The following MYO16 variants were observed in gnomAD, a reference collection of about 807,000 sequenced individuals.
MYO16 encodes myosin XVI, also known as unconventional myosin-XVI.
Under a neutral mutation model 205.3 loss-of-function variants are expected in MYO16, and 94 were observed. That is an observed-to-expected ratio of 0.46 (90% CI 0.39 to 0.54). MYO16 has a LOEUF of 0.54. MYO16 is among the 20% of genes least tolerant of loss of function. The pLI, the probability that MYO16 is intolerant of heterozygous loss-of-function variation, is 0.00. For synonymous variants in MYO16, 988 were observed against 954.0 expected (o/e 1.04, Z -0.66); for missense variants, 2,315 against 2,387.5 (o/e 0.97, Z 0.63).
chr13:108,650,235 T>C (rs918489145), intron 1 of MYO16, among the ~76,000 whole-genome samples: 2 of 152,200 alleles, frequency 1.3e-5, no homozygotes, highest in South Asian at 4.1e-4. Context: ...ACATACATAC[T>C]TTTAAATTAA....
At chr13:109,152,177 G>A (rs991023636) in intron 32 of MYO16, among the ~76,000 whole-genome samples, 7 of 152,176 alleles carry the variant, frequency 4.6e-5, no homozygotes, top group African/African-American at 1.7e-4. Flanking sequence ...TATATTACCA[G>A]TAATAAAGCC....
At chr13:108,539,947 AAG>A in the MYO16 span, among the ~76,000 whole-genome samples, 1 of 152,140 alleles carries the variant, frequency 6.6e-6, no homozygotes. Context: ...GAGTTGGAAA[AAG>A]AGTATTAAAT....
At chr13:108,626,211 T>C (rs1379795362), upstream of MYO16, among the ~76,000 whole-genome samples, 3 of 152,158 alleles carry the variant, frequency 2.0e-5, no homozygotes, top group South Asian at 2.1e-4. Context: ...AATGAGCAGC[T>C]GTATGGTGTA....
At chr13:108,884,197 A>G (rs147773241) in intron 13 of MYO16, among the ~76,000 whole-genome samples, 1 of 152,362 alleles carries the variant, frequency 6.6e-6, no homozygotes, top group Non-Finnish European at 1.5e-5. Flanking sequence ...GAACCTGGAT[A>G]GAATTCAAAA....
At chr13:108,561,595 G>A in the MYO16 span, among the ~76,000 whole-genome samples, 1 of 152,180 alleles carries the variant, frequency 6.6e-6, no homozygotes, top group Admixed American at 6.5e-5. Flanking sequence ...ACCTAAAACT[G>A]TGGTTTTACA....
chr13:108,721,368 G>T (rs1282695483), intron 3 of MYO16, among the ~76,000 whole-genome samples: 1 of 152,186 alleles, frequency 6.6e-6, no homozygotes, highest in Non-Finnish European at 1.5e-5. Context: ...AGCCAGTCTT[G>T]CTAATACAAA....
At chr13:109,048,505 A>C (rs1035691459) in intron 24 of MYO16, 2 of 481,822 alleles carry the variant, frequency 4.2e-6, no homozygotes, top group African/African-American at 1.9e-5. Context: ...TTATAATGTG[A>C]AAAACAGCTG....
chr13:108,838,690 TACAC>T (rs138108851), intron 9 of MYO16, among the ~76,000 whole-genome samples: 98 of 135,930 alleles, frequency 7.2e-4, no homozygotes, highest in African/African-American at 1.8e-3. Context: ...TATATATATA[TACAC>T]ACACACACAC....
the MYO16 span, among the ~76,000 whole-genome samples, chr13:108,527,649 A>T: frequency 6.6e-6 from 1 of 152,190 alleles, no homozygotes; most frequent in Non-Finnish European, 1.5e-5. Context: ...ATCATTTTGT[A>T]TACAGCTGCC....
chr13:108,935,522 A>T (rs1381553937), intron 16 of MYO16, among the ~76,000 whole-genome samples: 2 of 152,150 alleles, frequency 1.3e-5, no homozygotes, highest in Non-Finnish European at 2.9e-5. Context: ...CTTTTGGTGG[A>T]GTCTTCAGGG....
intron 23 of MYO16, among the ~76,000 whole-genome samples, chr13:109,027,733 G>A (rs951519469): frequency 2.0e-5 from 3 of 152,098 alleles, no homozygotes; most frequent in African/African-American, 7.2e-5. Flanking sequence ...AATAAATGCA[G>A]ATACAATTAT....
chr13:109,127,226 ATAATGCATCTGGGCC>A lies in MYO16; in HGVS notation c.3783-54_3783-40del. On this transcript the variant is annotated intron_variant, in intron 30 of 34. Coordinates refer to ENST00000457511, the MANE Select transcript of MYO16 (RefSeq NM_001198950.3). This position sits in a 1 kb window ranked among gnomAD's most constrained non-coding sequence, Gnocchi z 4.2. The stretch of plus-strand genomic sequence containing the variant: ...CTTGAGCAGGTTCCTTGTTACCGGA[ATAATGCATCTGGGCC>A]TCTCTGGCGTGGTGCTGTTTGTGTT... 6.6e-7 allele frequency: 1 copy of A among 1,510,620 alleles called. No individual in the cohort carries two copies. The highest frequency in any genetic ancestry group is 8.9e-7 in the Non-Finnish European group (1 of 1,128,220). The allele number at this position is 1,510,620 out of a possible 1,614,324, so 93.6% of individuals were successfully genotyped here.
intron 2 of MYO16, among the ~76,000 whole-genome samples, chr13:108,675,947 C>T (rs1248787083): frequency 1.3e-5 from 2 of 151,914 alleles, no homozygotes; most frequent in African/African-American, 4.8e-5. Context: ...GGTAAGTGCT[C>T]GTGAAGGTTA....
At chr13:109,040,525 T>C (rs942605847) in intron 23 of MYO16, among the ~76,000 whole-genome samples, 4 of 152,158 alleles carry the variant, frequency 2.6e-5, no homozygotes, top group Non-Finnish European at 5.9e-5. Flanking sequence ...GGTTTTTGTT[T>C]TCTTTTTCTG....
chr13:109,105,208 T>C (rs157006), intron 28 of MYO16, among the ~76,000 whole-genome samples: 122,071 of 152,316 alleles, frequency 0.8, 48,943 homozygotes, highest in Middle Eastern at 0.83. Flanking sequence ...CAGTGGCTCA[T>C]GCCTATAATA....
intron 27 of MYO16, among the ~76,000 whole-genome samples, chr13:109,091,478 G>A (rs1197984199): frequency 6.6e-6 from 1 of 152,132 alleles, no homozygotes; most frequent in Non-Finnish European, 1.5e-5. Context: ...ACCACCAGCT[G>A]CTAGCATCTT....
chr13:109,158,242 C>T (rs1262576788), intron 32 of MYO16, among the ~76,000 whole-genome samples: 4 of 152,192 alleles, frequency 2.6e-5, no homozygotes, highest in Admixed American at 2.6e-4. Context: ...CATCTTAACT[C>T]CCATTATGCT....
At chr13:108,813,392 A>G (rs440013) in intron 7 of MYO16, among the ~76,000 whole-genome samples, 135,129 of 152,128 alleles carry the variant, frequency 0.89, 62,212 homozygotes, top group East Asian at 1. Flanking sequence ...GTATGCAAGT[A>G]CTGAGTTTCT....
At chr13:108,593,302 G>A (rs1480601186), upstream of MYO16, among the ~76,000 whole-genome samples, 3 of 152,170 alleles carry the variant, frequency 2.0e-5, no homozygotes, top group Admixed American at 6.5e-5. Flanking sequence ...ATGTTCCTGT[G>A]AGTTAAGCTG....
Sources: gnomAD v4.1 joint callset for allele counts (sites outside exome capture counted in the v4.1 genomes callset) on GRCh38, gnomAD v4.1.1 for gene constraint, Gnocchi (gnomAD v3.1) non-coding constraint, MANE v1.5 for transcripts, NCBI Gene and HGNC (gene_info 2026-07-23, HGNC 2026-07-21) for gene names.